PPP1R12B: variants seen among roughly 807,000 people sequenced by gnomAD.
PPP1R12B encodes the protein protein phosphatase 1 regulatory subunit 12B.
PPP1R12B carries 76 observed loss-of-function variants against 126.1 expected under a neutral mutation model. The observed-to-expected ratio is 0.60, with a 90% CI of 0.50 to 0.73. PPP1R12B has a LOEUF of 0.73. Among genes scored for constraint, PPP1R12B ranks in the 30% least tolerant of loss-of-function variants. The pLI is 0.00. For missense variants in PPP1R12B, 1,052 were observed against 1,205.1 expected (o/e 0.87, Z 1.88); for synonymous variants, 356 against 434.7 (o/e 0.82, Z 2.25).
intron 18 of PPP1R12B, among the ~76,000 whole-genome samples, chr1:202,523,609 G>A (rs553664407): frequency 1.4e-4 from 22 of 152,318 alleles, no homozygotes; most frequent in Admixed American, 1.1e-3. Flanking sequence ...AATGCAGAGC[G>A]TCATAGGCCT....
At chr1:202,507,915 T>C (rs1265355743) in intron 18 of PPP1R12B, among the ~76,000 whole-genome samples, 1 of 152,216 alleles carries the variant, frequency 6.6e-6, no homozygotes, top group Admixed American at 6.5e-5. Flanking sequence ...ATGATTGAGG[T>C]AGAAAGCTTG....
chr1:202,571,335 A>G (rs1688578003), intron 23 of PPP1R12B, among the ~76,000 whole-genome samples: 1 of 152,230 alleles, frequency 6.6e-6, no homozygotes, highest in Non-Finnish European at 1.5e-5. Flanking sequence ...CTCCCCAGCC[A>G]TAAGCCATTT....
intron 13 of PPP1R12B, among the ~76,000 whole-genome samples, chr1:202,468,320 A>T (rs1572160928): frequency 6.6e-6 from 1 of 152,138 alleles, no homozygotes; most frequent in Non-Finnish European, 1.5e-5. Flanking sequence ...CCTGAATGGT[A>T]TTGCCTAGGT....
chr1:202,490,259 A>G (rs1678682661), intron 14 of PPP1R12B, among the ~76,000 whole-genome samples: 1 of 152,242 alleles, frequency 6.6e-6, no homozygotes, highest in African/African-American at 2.4e-5. Flanking sequence ...GAAGTTCCAC[A>G]GTTTTAAATA....
In PPP1R12B at chr1:202,588,835, A is replaced by ATAGATAGATAGAT. The variant is rs1553332066; in HGVS notation, c.*8276_*8288dup. 7.3e-6 allele frequency: 1 copy of ATAGATAGATAGAT among 136,068 alleles called. No homozygotes were observed. The highest frequency in any genetic ancestry group is 7.1e-5 in the Admixed American group (1 of 14,150). The allele number at this position is 136,068 out of a possible 1,614,324, so 8.4% of individuals were successfully genotyped here. A position where few individuals can be genotyped will look rare whatever the true frequency, so the allele number is the denominator to read the frequency against. On this transcript the variant is annotated 3_prime_UTR_variant, in exon 24 of 24. Transcript: ENST00000608999. ...TTCAAAAGAACCGTAAGATAGATAG[A>ATAGATAGATAGAT]TAGATAGATAGATAGATAGATAGAT...
At chr1:202,556,280 A>C (rs1686929938) in intron 18 of PPP1R12B, among the ~76,000 whole-genome samples, 1 of 152,212 alleles carries the variant, frequency 6.6e-6, no homozygotes, top group African/African-American at 2.4e-5. Flanking sequence ...GTTAATTCTT[A>C]CTGTTAGAAT....
chr1:202,353,121 A>G (rs1309924294), intron 1 of PPP1R12B, among the ~76,000 whole-genome samples: 2 of 152,254 alleles, frequency 1.3e-5, no homozygotes, highest in East Asian at 1.9e-4. Context: ...AGCAATTTAT[A>G]TTCAGACAGA....
intron 10 of PPP1R12B, chr1:202,439,254 G>T: frequency 7.2e-7 from 1 of 1,382,914 alleles, no homozygotes. Flanking sequence ...TATCAAGGCT[G>T]TCCTCCACAG....
In PPP1R12B at chr1:202,567,837, C is replaced by T. The variant is rs368636867; in HGVS notation, c.2811+6C>T. On this transcript the variant is annotated splice_donor_region_variant and intron_variant, in intron 22 of 23. Transcript: ENST00000608999. ...TGCTGGAGATGGAGAAACGGGTATG[C>T]GCATGTCTGTTTCCCCCTCCACCCC... The T allele has an allele frequency of 2.9e-5, 46 of 1,613,556 alleles. No individual in the cohort carries two copies. The highest frequency in any genetic ancestry group is 6.7e-5 in the African/African-American group (5 of 74,900).
intron 11 of PPP1R12B, 41 bp downstream of exon 11, chr1:202,440,829 A>G: frequency 6.6e-7 from 1 of 1,512,798 alleles, no homozygotes; most frequent in Non-Finnish European, 9.2e-7. Flanking sequence ...TCATCCTCTT[A>G]GGTCTACTGG....
intron 1 of PPP1R12B, among the ~76,000 whole-genome samples, chr1:202,388,832 T>TG (rs1663598268): frequency 6.6e-6 from 1 of 152,130 alleles, no homozygotes; most frequent in Admixed American, 6.5e-5. Context: ...TATGCAGAAA[T>TG]AGTCAAGTAA....
In PPP1R12B at chr1:202,510,515, A is replaced by G. The variant is rs118029126; in HGVS notation, c.2490+13693A>G. Among the ~76,000 whole-genome samples, 70 of 152,292 alleles carry G rather than the reference A, an allele frequency of 4.6e-4. No homozygotes were observed. The East Asian group carries it at 0.012, about 25-fold the overall frequency. ...GATTGCTAACATCCCAGGTAGGCCA[A>G]TCATTAAAGAGTAGGATTAACTGTA... On this transcript the variant is annotated intron_variant, in intron 18 of 23. Transcript: ENST00000608999.
At chr1:202,412,007 G>T (rs369860470) in intron 1 of PPP1R12B, among the ~76,000 whole-genome samples, 11 of 152,314 alleles carry the variant, frequency 7.2e-5, no homozygotes, top group African/African-American at 2.4e-4. Flanking sequence ...TTTGTGGAGG[G>T]TATGGGGAAT....
intron 1 of PPP1R12B, among the ~76,000 whole-genome samples, chr1:202,406,998 A>C: frequency 6.6e-6 from 1 of 152,230 alleles, no homozygotes; most frequent in East Asian, 1.9e-4. Flanking sequence ...AGACTGGAAC[A>C]TACAACTTCT....
intron 1 of PPP1R12B, among the ~76,000 whole-genome samples, chr1:202,374,171 G>T (rs576470954): frequency 7.2e-5 from 11 of 152,132 alleles, no homozygotes; most frequent in South Asian, 4.2e-4. Context: ...TTCCTTGAAG[G>T]CTTTTAGGTA....
intron 3 of PPP1R12B, among the ~76,000 whole-genome samples, chr1:202,423,657 T>C (rs1669109616): frequency 2.0e-5 from 3 of 152,280 alleles, no homozygotes; most frequent in Middle Eastern, 6.8e-3. Context: ...CTTTCATGTA[T>C]AGTTTTTCTG....
chr1:202,449,064 T>C lies in PPP1R12B; in HGVS notation c.1743T>C (p.Cys581=), dbSNP rs1672614155. The change falls in exon 13 of 24, where the codon TGT becomes TGC. Residue 581 remains cysteine (C), a synonymous_variant. Coordinates refer to ENST00000608999, the MANE Select transcript of PPP1R12B (RefSeq NM_002481.4). ...ATGTCTCTTCTAGCACCCCGCTCTG[T>C]GTGATCACCAATCGCCCTCTTCCTA... ...ADNVSSSTPL[C]VITNRPLPST... The C allele has an allele frequency of 6.2e-7, 1 of 1,613,800 alleles. No individual in the cohort carries two copies.
chr1:202,540,087 A>G, intron 18 of PPP1R12B: 2 of 1,538,140 alleles, frequency 1.3e-6, no homozygotes, highest in South Asian at 1.2e-5. Flanking sequence ...GAAATTTCCC[A>G]GCTTTGTGTG....
At chr1:202,454,039 A>G (rs554534647) in intron 13 of PPP1R12B, among the ~76,000 whole-genome samples, 1 of 152,318 alleles carries the variant, frequency 6.6e-6, no homozygotes, top group African/African-American at 2.4e-5. Flanking sequence ...AACTCTCTTT[A>G]AAAAATCTTT....
Sources: gnomAD v4.1 joint callset for allele counts (sites outside exome capture counted in the v4.1 genomes callset) on GRCh38, gnomAD v4.1.1 for gene constraint, MANE v1.5 for transcripts, NCBI Gene and HGNC (gene_info 2026-07-23, HGNC 2026-07-21) for gene names.